Variants in TMEM132B observed in about 807,000 individuals in gnomAD.
The protein encoded by TMEM132B is transmembrane protein 132B.
In TMEM132B, 18 loss-of-function variants were observed where a neutral mutation model predicts 90.8. The observed-to-expected ratio is 0.20, with a 90% CI of 0.14 to 0.29. The LOEUF is 0.29. Among genes scored for constraint, TMEM132B ranks in the 10% least tolerant of loss-of-function variants. The pLI, the probability that TMEM132B is intolerant of heterozygous loss-of-function variation, is 1.00. For synonymous variants in TMEM132B, 504 were observed against 523.3 expected, an observed-to-expected ratio of 0.96 and a Z score of 0.50; for missense variants, 1,096 against 1,326.8, an observed-to-expected ratio of 0.83 and a Z score of 2.70.
intron 1 of TMEM132B, chr12:125,326,715 G>C (rs1397022236): frequency 6.3e-7 from 1 of 1,587,900 alleles, no homozygotes; most frequent in South Asian, 1.2e-5. Flanking sequence ...CCAGGACAGG[G>C]ATGGGACCAG....
intron 1 of TMEM132B, among the ~76,000 whole-genome samples, chr12:125,300,076 C>T (rs1361756626): frequency 6.6e-6 from 1 of 152,246 alleles, no homozygotes; most frequent in Non-Finnish European, 1.5e-5. Flanking sequence ...TGCTTGCTGC[C>T]TGCAACACCT....
intron 1 of TMEM132B, among the ~76,000 whole-genome samples, chr12:125,318,829 G>A (rs1263122098): frequency 6.6e-6 from 1 of 152,180 alleles, no homozygotes; most frequent in African/African-American, 2.4e-5. Context: ...GTTGGTCCAG[G>A]TATGTTCACT....
rs1887166265 is a variant in TMEM132B, at chr12:125,659,933, C to G, written c.*5223C>G. 6.6e-6 allele frequency: 1 copy of G among 152,262 alleles called. No individual in the cohort carries two copies. The highest frequency in any genetic ancestry group is 1.5e-5 in the Non-Finnish European group (1 of 68,082). 9.4% of individuals were successfully genotyped at this position (152,262 alleles called of 1,614,324 possible). A position where few individuals can be genotyped will look rare whatever the true frequency, so the allele number is the denominator to read the frequency against. On this transcript the variant is annotated 3_prime_UTR_variant, in exon 9 of 9. Coordinates refer to ENST00000682704, the MANE Select transcript of TMEM132B (RefSeq NM_001366854.1). ...CAGCACTTTGGGTAACTGTTTTGCA[C>G]TAACAGCTTCCTCCTTGTCTTTTCC...
chr12:125,393,782 A>G (rs73424775), intron 2 of TMEM132B, among the ~76,000 whole-genome samples: 9,645 of 152,256 alleles, frequency 0.063, 937 homozygotes, highest in African/African-American at 0.21. Context: ...AGTGAATTAT[A>G]GTGATATGGA....
chr12:125,430,821 G>T (rs1227610439), intron 3 of TMEM132B, among the ~76,000 whole-genome samples: 4 of 152,168 alleles, frequency 2.6e-5, no homozygotes, highest in Non-Finnish European at 5.9e-5. Flanking sequence ...GGTGATAAAA[G>T]CTAACAAGAA....
intron 1 of TMEM132B, among the ~76,000 whole-genome samples, chr12:125,252,749 C>T (rs548982954): frequency 1.5e-4 from 23 of 152,290 alleles, no homozygotes; most frequent in African/African-American, 5.3e-4. Context: ...ATGACTGTCT[C>T]CCCTGAGGGT....
rs1879541083 is a variant in TMEM132B at position 125,407,671 on chromosome 12, G to C, written c.960-7860G>C. ...TTCCAGCATCCAGTCCTCCATCACAGACAAGGCCAAAGCTCAGGTCACTCT... is the reference window on the plus strand; with the variant it reads ...TTCCAGCATCCAGTCCTCCATCACACACAAGGCCAAAGCTCAGGTCACTCT... On this transcript the variant is annotated intron_variant, in intron 2 of 8. Coordinates refer to ENST00000682704, the MANE Select transcript of TMEM132B (RefSeq NM_001366854.1). The surrounding 1 kb of genome is among the most constrained non-coding windows in gnomAD (Gnocchi z 6.7). Among the ~76,000 whole-genome samples the C allele has an allele frequency of 6.6e-6, 1 of 152,184 alleles. No individual in the cohort carries two copies. The highest frequency in any genetic ancestry group is 1.5e-5 in the Non-Finnish European group (1 of 68,024).
chr12:125,561,884 G>A (rs2136796313), intron 4 of TMEM132B, among the ~76,000 whole-genome samples: 1 of 152,238 alleles, frequency 6.6e-6, no homozygotes, highest in South Asian at 2.1e-4. Flanking sequence ...AATGAGCACT[G>A]GCTTCAACTT....
At chr12:125,569,386 C>T (rs1373070811) in intron 4 of TMEM132B, among the ~76,000 whole-genome samples, 1 of 152,126 alleles carries the variant, frequency 6.6e-6, no homozygotes, top group East Asian at 1.9e-4. Flanking sequence ...AGTTCAGTGC[C>T]CGTCACAGTG....
intron 4 of TMEM132B, among the ~76,000 whole-genome samples, chr12:125,540,816 C>T (rs1883935350): frequency 6.6e-6 from 1 of 152,250 alleles, no homozygotes; most frequent in African/African-American, 2.4e-5. Flanking sequence ...CTGTCATCTT[C>T]TCTCACTTAG....
At chr12:125,625,449 C>G (rs1233204979) in intron 5 of TMEM132B, among the ~76,000 whole-genome samples, 1 of 152,036 alleles carries the variant, frequency 6.6e-6, no homozygotes, top group East Asian at 1.9e-4. Flanking sequence ...GACTTCTTTC[C>G]CTAAAAAATG....
chr12:125,263,601 G>T (rs1874618528), intron 1 of TMEM132B, among the ~76,000 whole-genome samples: 1 of 152,180 alleles, frequency 6.6e-6, no homozygotes, highest in Admixed American at 6.5e-5. Flanking sequence ...GACAGTTCCA[G>T]TCCCTTGGTG....
chr12:125,537,338 A>G (rs1387689638), intron 4 of TMEM132B, among the ~76,000 whole-genome samples: 5 of 152,248 alleles, frequency 3.3e-5, no homozygotes, highest in African/African-American at 4.8e-5. Context: ...TCCAAAAGCA[A>G]AACGAACCAA....
At chr12:125,520,725 G>C (rs1883286791) in intron 4 of TMEM132B, among the ~76,000 whole-genome samples, 1 of 152,146 alleles carries the variant, frequency 6.6e-6, no homozygotes, top group Admixed American at 6.5e-5. Context: ...TTGATATTTA[G>C]GGTTCATTTT....
At chr12:125,194,236 C>T (rs1285881337) in intron 1 of TMEM132B, among the ~76,000 whole-genome samples, 2 of 150,750 alleles carry the variant, frequency 1.3e-5, no homozygotes, top group African/African-American at 4.8e-5. Flanking sequence ...TAGAGTTGCT[C>T]GGTGCTCCGA....
intron 1 of TMEM132B, among the ~76,000 whole-genome samples, chr12:125,288,390 G>A (rs1335104609): frequency 2.0e-5 from 3 of 148,656 alleles, no homozygotes; most frequent in Admixed American, 6.7e-5. Flanking sequence ...TTGAATCCCC[G>A]AGGCAGAGGT....
At chr12:125,622,412 A>G (rs1029858650) in intron 5 of TMEM132B, 33 of 946,522 alleles carry the variant, frequency 3.5e-5, no homozygotes, top group Non-Finnish European at 4.0e-5. Context: ...ATAAGTCACC[A>G]TGGGAGCCAG....
intron 4 of TMEM132B, among the ~76,000 whole-genome samples, chr12:125,529,847 T>C (rs1592977188): frequency 6.6e-6 from 1 of 152,276 alleles, no homozygotes; most frequent in East Asian, 1.9e-4. Context: ...GGCTGCTCAC[T>C]AATTCCTGCT....
chr12:125,255,612 C>T (rs901536318), intron 1 of TMEM132B, among the ~76,000 whole-genome samples: 5 of 152,174 alleles, frequency 3.3e-5, no homozygotes, highest in Non-Finnish European at 7.4e-5. Context: ...CCACCTAGCG[C>T]ACCTGCTTGA....
Sources: allele counts gnomAD v4.1 joint callset (sites outside exome capture counted in the v4.1 genomes callset), GRCh38; gene constraint gnomAD v4.1.1; non-coding constraint Gnocchi (gnomAD v3.1); transcripts MANE v1.5; gene names NCBI Gene and HGNC (gene_info 2026-07-23, HGNC 2026-07-21).